The following SLC10A7 variants were observed in gnomAD, a reference collection of about 807,000 sequenced individuals.
The protein encoded by SLC10A7 is solute carrier family 10 member 7.
In SLC10A7, 29 loss-of-function variants were observed where a neutral mutation model predicts 43.2. The observed-to-expected ratio is 0.67, with a 90% CI of 0.50 to 0.92. The LOEUF (loss-of-function observed/expected upper bound fraction) is 0.92. Ranked by LOEUF, SLC10A7 falls within the 40% of genes least tolerant of loss-of-function variation. SLC10A7 has a pLI of 0.00. For missense variants in SLC10A7, 295 were observed against 403.2 expected, an observed-to-expected ratio of 0.73 and a Z score of 2.30; for synonymous variants, 152 against 144.8, an observed-to-expected ratio of 1.05 and a Z score of -0.35.
chr4:146,346,878 A>C (rs762366353), intron 5 of SLC10A7, among the ~76,000 whole-genome samples: 1 of 152,056 alleles, frequency 6.6e-6, no homozygotes, highest in Non-Finnish European at 1.5e-5. Context: ...TCAACAAATA[A>C]TTTTTGGATA....
chr4:146,396,825 AC>A (rs1193866573), intron 5 of SLC10A7, among the ~76,000 whole-genome samples: 2 of 151,444 alleles, frequency 1.3e-5, no homozygotes, highest in East Asian at 3.9e-4. Flanking sequence ...GCATTGAGGG[AC>A]CAGCCCCTTT....
At chr4:146,343,494 A>G (rs1734410120) in intron 5 of SLC10A7, among the ~76,000 whole-genome samples, 1 of 152,084 alleles carries the variant, frequency 6.6e-6, no homozygotes, top group Non-Finnish European at 1.5e-5. Flanking sequence ...CAAATGAAGG[A>G]GTGTAAATGC....
chr4:146,389,052 T>C (rs1373573569), intron 5 of SLC10A7, among the ~76,000 whole-genome samples: 1 of 152,124 alleles, frequency 6.6e-6, no homozygotes, highest in African/African-American at 2.4e-5. Context: ...GAGGCCATTA[T>C]CCTAAGTGAA....
intron 5 of SLC10A7, among the ~76,000 whole-genome samples, chr4:146,407,979 C>T (rs1447000253): frequency 6.6e-6 from 1 of 152,152 alleles, no homozygotes; most frequent in African/African-American, 2.4e-5. Context: ...AGTCAGGAAG[C>T]ACGTTTCTAA....
At chr4:146,412,347 TAAC>T (rs1728256454) in intron 5 of SLC10A7, among the ~76,000 whole-genome samples, 4 of 152,266 alleles carry the variant, frequency 2.6e-5, no homozygotes, top group South Asian at 4.1e-4. Flanking sequence ...ATAGCAGAAA[TAAC>T]AACATCTACT....
At chr4:146,407,706 T>C (rs1727831315) in intron 5 of SLC10A7, among the ~76,000 whole-genome samples, 1 of 152,204 alleles carries the variant, frequency 6.6e-6, no homozygotes, top group Non-Finnish European at 1.5e-5. Context: ...CCCACCCTCT[T>C]ATATGTTAAC....
intron 5 of SLC10A7, among the ~76,000 whole-genome samples, chr4:146,342,345 G>T (rs1307876566): frequency 1.3e-5 from 2 of 151,644 alleles, no homozygotes; most frequent in African/African-American, 4.8e-5. Flanking sequence ...TGTAGATAGT[G>T]TTAAAAGTAT....
At chr4:146,445,909 G>GTT (rs1301243168) in intron 4 of SLC10A7, among the ~76,000 whole-genome samples, 1 of 151,686 alleles carries the variant, frequency 6.6e-6, no homozygotes, top group Non-Finnish European at 1.5e-5. Context: ...GTGTGTGTGT[G>GTT]TGTGTGCACG....
At chr4:146,453,711 C>T (rs909525834) in intron 4 of SLC10A7, among the ~76,000 whole-genome samples, 1 of 151,784 alleles carries the variant, frequency 6.6e-6, no homozygotes, top group African/African-American at 2.4e-5. Context: ...ACCGTTAAAA[C>T]GCATACAAAA....
intron 3 of SLC10A7, 144 bp from the exon 4 acceptor site, chr4:146,504,068 T>TCTACACAA: frequency 1.4e-6 from 1 of 731,148 alleles, no homozygotes; most frequent in Non-Finnish European, 2.4e-6. Context: ...TTTAGACAAG[T>TCTACACAA]CTACACAAGG....
intron 9 of SLC10A7, among the ~76,000 whole-genome samples, chr4:146,287,218 A>C (rs1177651919): frequency 1.3e-5 from 2 of 152,138 alleles, no homozygotes; most frequent in Non-Finnish European, 2.9e-5. Context: ...ACTGGTGAGA[A>C]GGACCGTCTT....
intron 5 of SLC10A7, among the ~76,000 whole-genome samples, chr4:146,416,568 A>C (rs1012460327): frequency 6.6e-5 from 10 of 152,034 alleles, no homozygotes; most frequent in Admixed American, 5.2e-4. Context: ...GACAGGAATC[A>C]AAAAAAATTT....
intron 5 of SLC10A7, among the ~76,000 whole-genome samples, chr4:146,342,870 T>C (rs998143726): frequency 3.0e-4 from 46 of 151,892 alleles, no homozygotes; most frequent in African/African-American, 1.0e-3. Flanking sequence ...ATTCTATATA[T>C]TTAAATATAC....
chr4:146,405,459 G>A (rs532242180), intron 5 of SLC10A7, among the ~76,000 whole-genome samples: 53 of 152,178 alleles, frequency 3.5e-4, no homozygotes, highest in African/African-American at 1.3e-3. Context: ...ATGATGAAAA[G>A]GGCTTTAATG....
chr4:146,446,739 T>C (rs1057458565), intron 4 of SLC10A7, among the ~76,000 whole-genome samples: 17 of 137,250 alleles, frequency 1.2e-4, no homozygotes, highest in African/African-American at 4.7e-4. Context: ...GGTGAGAAGG[T>C]TTATCTATCT....
At chr4:146,354,539 T>G (rs1437708727) in intron 5 of SLC10A7, among the ~76,000 whole-genome samples, 4 of 148,214 alleles carry the variant, frequency 2.7e-5, no homozygotes, top group Non-Finnish European at 6.0e-5. Context: ...AAAAAACTAC[T>G]TTAAAGTTCA....
At chr4:146,259,537 G>T (rs1728093132) in intron 10 of SLC10A7, among the ~76,000 whole-genome samples, 1 of 152,190 alleles carries the variant, frequency 6.6e-6, no homozygotes, top group South Asian at 2.1e-4. Context: ...GGAGGTGGAG[G>T]TTGCAGTGAG....
At chr4:146,302,772 G>T (rs1001609567) in intron 7 of SLC10A7, among the ~76,000 whole-genome samples, 2 of 152,088 alleles carry the variant, frequency 1.3e-5, no homozygotes, top group Non-Finnish European at 2.9e-5. Flanking sequence ...TCAACACTGT[G>T]GGAGAAGTAT....
intron 6 of SLC10A7, among the ~76,000 whole-genome samples, chr4:146,312,599 C>A (rs561012218): frequency 6.6e-6 from 1 of 152,268 alleles, no homozygotes; most frequent in South Asian, 2.1e-4. Flanking sequence ...CTCCCTGGCT[C>A]CTGGTAACCT....
Sources: allele counts gnomAD v4.1 joint callset (sites outside exome capture counted in the v4.1 genomes callset), GRCh38; gene constraint gnomAD v4.1.1; transcripts MANE v1.5; gene names NCBI Gene and HGNC (gene_info 2026-07-23, HGNC 2026-07-21).